Variants in DLGAP1 observed in about 807,000 individuals in gnomAD.
DLGAP1 encodes the protein DLG associated protein 1.
DLGAP1 carries 11 observed loss-of-function variants against 90.8 expected under a neutral mutation model. The ratio of observed to expected loss-of-function variants is 0.12; its 90% CI spans 0.08 to 0.20. The LOEUF (loss-of-function observed/expected upper bound fraction) is 0.20. DLGAP1 is among the 10% of genes least tolerant of loss of function. DLGAP1 has a pLI of 1.00. For synonymous variants in DLGAP1, 558 were observed against 540.7 expected (o/e 1.03, Z -0.44); for missense variants, 1,050 against 1,333.8 (o/e 0.79, Z 3.31).
chr18:3,867,171 C>A (rs2070449886), intron 4 of DLGAP1, among the ~76,000 whole-genome samples: 1 of 152,132 alleles, frequency 6.6e-6, no homozygotes, highest in African/African-American at 2.4e-5. Context: ...GTTATTAACA[C>A]TGTGAGTCAC....
intron 7 of DLGAP1, among the ~76,000 whole-genome samples, chr18:3,671,634 A>C (rs1116346): frequency 0.4 from 61,526 of 152,102 alleles, 13,817 homozygotes; most frequent in East Asian, 0.79. Context: ...AAGGTTGAAA[A>C]CAGATTTTGC....
intron 7 of DLGAP1, among the ~76,000 whole-genome samples, chr18:3,668,975 C>G (rs972504543): frequency 4.5e-4 from 69 of 152,114 alleles, no homozygotes; most frequent in African/African-American, 1.6e-3. Context: ...CCGAGTAAGA[C>G]TCTGTCTCAA....
chr18:3,819,171 G>A lies in DLGAP1; in HGVS notation c.958-4898C>T, dbSNP rs574399187. ...TAAAAATACAAAAAATTAGCCAGGC[G>A]TGATGGTGGGTGCCTGTAATCCCAG... is the stretch of plus-strand genomic sequence containing the variant. On this transcript the variant is annotated intron_variant, in intron 4 of 12. Coordinates refer to ENST00000315677, the MANE Select transcript of DLGAP1 (RefSeq NM_004746.4). Among the ~76,000 whole-genome samples, 193 of 152,060 alleles carry A rather than the reference G, an allele frequency of 1.3e-3. 1 individual carries two copies. Among genetic ancestry groups the A allele is most frequent in the African/African-American group, 4.4e-3 (182 of 41,518 alleles).
chr18:3,663,092 T>C lies in DLGAP1; in HGVS notation c.1591+66043A>G, dbSNP rs142488572. On this transcript the variant is annotated intron_variant, in intron 7 of 12. Transcript: ENST00000315677. ...TTCGAGATCAGCCTGACCAACATGG[T>C]GAAACCCCGTCTCTACTAAAAATAC... Among the ~76,000 whole-genome samples the C allele has an allele frequency of 3.2e-4, 49 of 152,050 alleles. 1 individual carries two copies. The highest frequency in any genetic ancestry group is 1.2e-3 in the African/African-American group (48 of 41,488).
At chr18:4,289,644 GAAAA>G (rs2079796935) in intron 1 of DLGAP1, among the ~76,000 whole-genome samples, 1 of 152,032 alleles carries the variant, frequency 6.6e-6, no homozygotes, top group Non-Finnish European at 1.5e-5. Flanking sequence ...TTAAAAGAAA[GAAAA>G]CTTTTTTTCA....
At chr18:3,621,046 G>A (rs1158238475) in intron 7 of DLGAP1, among the ~76,000 whole-genome samples, 1 of 152,184 alleles carries the variant, frequency 6.6e-6, no homozygotes, top group Non-Finnish European at 1.5e-5. Context: ...GGTGGGGCCA[G>A]CACCCTGTGT....
chr18:3,988,163 C>A (rs1400770633), intron 3 of DLGAP1, among the ~76,000 whole-genome samples: 3 of 151,992 alleles, frequency 2.0e-5, no homozygotes, highest in Non-Finnish European at 4.4e-5. Flanking sequence ...CCACTTCACT[C>A]TATAATCTCA....
chr18:3,577,416 G>A (rs1339556677), intron 8 of DLGAP1, among the ~76,000 whole-genome samples: 1 of 152,140 alleles, frequency 6.6e-6, no homozygotes, highest in Non-Finnish European at 1.5e-5. Flanking sequence ...TGATTTCCTG[G>A]ATGAGATTTT....
chr18:4,304,292 A>G (rs2080197246), intron 1 of DLGAP1, among the ~76,000 whole-genome samples: 1 of 152,218 alleles, frequency 6.6e-6, no homozygotes, highest in South Asian at 2.1e-4. Flanking sequence ...TAAATAGTAA[A>G]TTTTATGTTA....
intron 7 of DLGAP1, among the ~76,000 whole-genome samples, chr18:3,664,218 C>CACCCACA (rs1555620386): frequency 2.1e-4 from 16 of 75,770 alleles, no homozygotes; most frequent in African/African-American, 9.3e-4. Flanking sequence ...ACACACACAC[C>CACCCACA]CACACACACA....
intron 9 of DLGAP1, among the ~76,000 whole-genome samples, chr18:3,537,385 T>A (rs1568154100): frequency 6.6e-6 from 1 of 152,238 alleles, no homozygotes; most frequent in Non-Finnish European, 1.5e-5. Flanking sequence ...ACTGGCTTTT[T>A]AAATTCAACA....
At chr18:3,717,312 A>G (rs113450963) in intron 7 of DLGAP1, among the ~76,000 whole-genome samples, 3,885 of 152,220 alleles carry the variant, frequency 0.026, 165 homozygotes, top group African/African-American at 0.089. Flanking sequence ...CCAAGGTTGT[A>G]TTAGCCCCAC....
chr18:4,434,330 T>C (rs990378859), intron 1 of DLGAP1, among the ~76,000 whole-genome samples: 3 of 152,186 alleles, frequency 2.0e-5, no homozygotes, highest in Non-Finnish European at 4.4e-5. Flanking sequence ...ATTGGTTAAC[T>C]GATTGGTTAT....
At chr18:3,989,220 T>A (rs1301996885) in intron 3 of DLGAP1, among the ~76,000 whole-genome samples, 1 of 152,084 alleles carries the variant, frequency 6.6e-6, no homozygotes, top group Non-Finnish European at 1.5e-5. Flanking sequence ...TCCAGCAGAG[T>A]TGGGAAATGG....
At chr18:3,922,211 G>A (rs1201515917) in intron 3 of DLGAP1, among the ~76,000 whole-genome samples, 3 of 151,996 alleles carry the variant, frequency 2.0e-5, no homozygotes, top group African/African-American at 7.2e-5. Flanking sequence ...TGCAGTTAAG[G>A]GTCCAAAAAA....
At chr18:3,593,470 C>T (rs948413767) in intron 7 of DLGAP1, among the ~76,000 whole-genome samples, 1 of 152,188 alleles carries the variant, frequency 6.6e-6, no homozygotes, top group Non-Finnish European at 1.5e-5. Flanking sequence ...TCCCGGCCCC[C>T]CTCTGGGAGA....
At chr18:3,994,951 G>GCTGT (rs1174075274) in intron 3 of DLGAP1, among the ~76,000 whole-genome samples, 3 of 152,186 alleles carry the variant, frequency 2.0e-5, no homozygotes, top group Admixed American at 2.0e-4. Context: ...AGAGAACTTA[G>GCTGT]CTGTCTGCCT....
chr18:4,203,851 G>C (rs1290946481), intron 1 of DLGAP1, among the ~76,000 whole-genome samples: 1 of 152,178 alleles, frequency 6.6e-6, no homozygotes, highest in African/African-American at 2.4e-5. Flanking sequence ...TGAACACAGG[G>C]TGCTTTGAGG....
intron 7 of DLGAP1, chr18:3,655,799 G>C (rs1945954701): frequency 8.1e-6 from 3 of 369,618 alleles, no homozygotes; most frequent in Non-Finnish European, 1.5e-5. Context: ...GGCCACAGAA[G>C]AGCCCAGGCT....
Sources: allele counts gnomAD v4.1 joint callset (sites outside exome capture counted in the v4.1 genomes callset), GRCh38; gene constraint gnomAD v4.1.1; transcripts MANE v1.5; gene names NCBI Gene and HGNC (gene_info 2026-07-23, HGNC 2026-07-21).